Variants in HNRNPL observed in about 807,000 individuals in gnomAD.
HNRNPL encodes heterogeneous nuclear ribonucleoprotein L.
HNRNPL carries 12 observed loss-of-function variants against 64.0 expected under a neutral mutation model. That is an observed-to-expected ratio of 0.19 (90% CI 0.12 to 0.30). HNRNPL has a LOEUF of 0.30. Among genes scored for constraint, HNRNPL ranks in the 10% least tolerant of loss-of-function variants. The pLI is 1.00. For missense variants in HNRNPL, 484 were observed against 797.4 expected, an observed-to-expected ratio of 0.61 and a Z score of 4.73; for synonymous variants, 385 against 313.0, an observed-to-expected ratio of 1.23 and a Z score of -2.43.
chr19:38,850,061 G>A (rs534491936), upstream of HNRNPL: 10 of 1,047,114 alleles, frequency 9.6e-6, no homozygotes, highest in Admixed American at 2.5e-4. Flanking sequence ...CACTGGTCCC[G>A]CCGCGGGGGG....
intron 1 of HNRNPL, 144 bp downstream of exon 1, chr19:38,849,556 A>T (rs1435894749): frequency 8.7e-7 from 1 of 1,143,096 alleles, no homozygotes; most frequent in Non-Finnish European, 1.1e-6. Context: ...CCGTTTGCCC[A>T]ACGGCCGCCC....
At position 38,840,282 on chromosome 19, in the gene HNRNPL, C is replaced by A. The variant is rs556772050; in HGVS notation, c.1047G>T (p.Val349=). 2.3e-5 allele frequency: 37 copies of A among 1,576,508 alleles called. No individual in the cohort carries two copies. In the Admixed American group the frequency reaches 4.1e-4, roughly 17 times the overall value. Reference sequence around the variant, plus strand: ...GACTTGGGCCCCGACGGTGACCCCCCACTGGTGGACCCATCCTTCTCCCTT... The same window carrying A: ...GACTTGGGCCCCGACGGTGACCCCCAACTGGTGGACCCATCCTTCTCCCTT... ...HYEGRRMGPP[V]GGHRRGPSRY... is the part of the protein sequence containing the mutation. The change falls in exon 8 of 13, where the codon GTG becomes GTT. Residue 349 remains valine (V), a synonymous_variant. Coordinates refer to ENST00000221419, the MANE Select transcript of HNRNPL (RefSeq NM_001533.3).
chr19:38,842,763 G>C (rs1481491093), intron 6 of HNRNPL, among the ~76,000 whole-genome samples: 1 of 151,978 alleles, frequency 6.6e-6, no homozygotes, highest in African/African-American at 2.4e-5. Context: ...CCCCAGCCTT[G>C]GGGCTGCCAA....
At chr19:38,841,772 T>C (rs146622892) in intron 6 of HNRNPL, 2 of 532,328 alleles carry the variant, frequency 3.8e-6, no homozygotes, top group Non-Finnish European at 6.6e-6. Flanking sequence ...AGTCAATATT[T>C]TGATTAAATC....
At chr19:38,845,435 C>T (rs1372787235) in intron 4 of HNRNPL, 6 of 577,254 alleles carry the variant, frequency 1.0e-5, no homozygotes, top group Non-Finnish European at 1.9e-5. Context: ...TTGTATCTCC[C>T]AACACACTGC....
intron 9 of HNRNPL, 129 bp from the exon 10 acceptor site, chr19:38,838,727 G>A: frequency 2.3e-6 from 3 of 1,303,952 alleles, no homozygotes; most frequent in South Asian, 1.3e-5. Context: ...AGGCAAGGCT[G>A]ACTCACTTTC....
chr19:38,847,670 G>C (rs1275948850), intron 1 of HNRNPL: 1 of 305,144 alleles, frequency 3.3e-6, no homozygotes, highest in Non-Finnish European at 6.0e-6. Context: ...TGTAGCTTCT[G>C]AGGAAGGTAT....
chr19:38,846,822 G>A (rs1457107638), intron 2 of HNRNPL, among the ~76,000 whole-genome samples: 1 of 152,136 alleles, frequency 6.6e-6, no homozygotes, highest in Non-Finnish European at 1.5e-5. Context: ...GCAGGAGAAT[G>A]GCGTGAACCC....
chr19:38,838,718 G>T (rs1384232671), intron 9 of HNRNPL, 120 bp from the exon 10 acceptor site: 1 of 1,311,044 alleles, frequency 7.6e-7, no homozygotes, highest in East Asian at 2.3e-5. Context: ...CTACACCTGA[G>T]GCAAGGCTGA....
upstream of HNRNPL, chr19:38,850,163 T>C (rs1972463819): frequency 7.0e-6 from 3 of 429,462 alleles, no homozygotes; most frequent in South Asian, 1.3e-4. Flanking sequence ...AGACACTCCT[T>C]ATAGGTGGTC....
At chr19:38,846,134 G>C in intron 2 of HNRNPL, 44 bp from the exon 3 acceptor site, 2 of 1,389,824 alleles carry the variant, frequency 1.4e-6, no homozygotes, top group African/African-American at 1.4e-5. Context: ...GGAAAATGTA[G>C]ACAGGAGGAG....
chr19:38,847,643 T>A, intron 1 of HNRNPL: 1 of 339,436 alleles, frequency 2.9e-6, no homozygotes, highest in Non-Finnish European at 5.3e-6. Context: ...GGTGATCACT[T>A]GCCCACTGGC....
At chr19:38,839,095 T>G in intron 8 of HNRNPL, 80 bp from the exon 9 acceptor site, 1 of 1,566,096 alleles carries the variant, frequency 6.4e-7, no homozygotes, top group Non-Finnish European at 8.7e-7. Context: ...TTAGTGATAA[T>G]AACCCCTGCT....
At chr19:38,839,985 T>G in intron 8 of HNRNPL, 111 bp downstream of exon 8, 1 of 981,084 alleles carries the variant, frequency 1.0e-6, no homozygotes, top group Non-Finnish European at 1.6e-6. Flanking sequence ...GAGTCACTCA[T>G]TGGCGTCTGC....
chr19:38,838,457 G>C lies in HNRNPL; in HGVS notation c.1497C>G (p.Pro499=), dbSNP rs149914653. 5.1e-5 allele frequency: 83 copies of C among 1,614,104 alleles called. No individual in the cohort carries two copies. Among genetic ancestry groups the C allele is most frequent in the Non-Finnish European group, 6.4e-5 (76 of 1,179,940 alleles). The change falls in exon 10 of 13, where the codon CCC becomes CCG. Residue 499 remains proline (P), a synonymous_variant. Coordinates refer to ENST00000221419, the MANE Select transcript of HNRNPL (RefSeq NM_001533.3). ...CGTTGAAGAAGTGCAGCACGTTGCTGGGGTGCTGGATGCGGTTCTTGGCTG... is the reference window on the plus strand; with the variant it reads ...CGTTGAAGAAGTGCAGCACGTTGCTCGGGTGCTGGATGCGGTTCTTGGCTG... ...EQAAKNRIQH[P]SNVLHFFNAP... is the part of the protein sequence containing the mutation.
intron 8 of HNRNPL, chr19:38,839,712 T>A (rs73930210): frequency 3.8e-4 from 87 of 227,432 alleles, no homozygotes; most frequent in African/African-American, 2.0e-3. Context: ...CAGCCACCGC[T>A]AGCCCCAGTC....
chr19:38,844,293 C>A (rs1972213223), intron 4 of HNRNPL, among the ~76,000 whole-genome samples, 189 bp from the exon 5 acceptor site: 1 of 152,192 alleles, frequency 6.6e-6, no homozygotes, highest in Admixed American at 6.5e-5. Context: ...CTCAACGCTG[C>A]CCCGGGTGAG....
chr19:38,850,300 A>T (rs1009483876), upstream of HNRNPL: 233 of 273,862 alleles, frequency 8.5e-4, 3 homozygotes, highest in Non-Finnish European at 1.9e-4. Context: ...ACCTCCCAAG[A>T]ATCTCCGCCT....
chr19:38,849,421 C>T (rs982909387), intron 1 of HNRNPL: 1 of 380,202 alleles, frequency 2.6e-6, no homozygotes, highest in East Asian at 3.9e-5. Flanking sequence ...TGCCCGGCCC[C>T]CACACGCCAG....
Sources: allele counts gnomAD v4.1 joint callset (sites outside exome capture counted in the v4.1 genomes callset), GRCh38; gene constraint gnomAD v4.1.1; transcripts MANE v1.5; gene names NCBI Gene and HGNC (gene_info 2026-07-23, HGNC 2026-07-21).